MET: variants seen among roughly 807,000 people sequenced by gnomAD.
MET encodes the protein hepatocyte growth factor receptor.
Under a neutral mutation model 133.1 loss-of-function variants are expected in MET, and 48 were observed. The ratio of observed to expected loss-of-function variants is 0.36; its 90% CI spans 0.29 to 0.46. MET has a LOEUF of 0.46. Ranked by LOEUF, MET falls within the 20% of genes least tolerant of loss-of-function variation. The pLI is 1.00. For synonymous variants in MET, 628 were observed against 616.5 expected (o/e 1.02, Z -0.28); for missense variants, 1,442 against 1,695.9 (o/e 0.85, Z 2.63).
intron 15 of MET, among the ~76,000 whole-genome samples, chr7:116,776,466 T>C (rs762101350): frequency 3.3e-5 from 5 of 152,240 alleles, no homozygotes; most frequent in Admixed American, 1.3e-4. Context: ...TTTTTTATCA[T>C]GAAAGGTACT....
rs2116781001 is a variant in MET, at chr7:116,731,735, C to T, written c.1268C>T (p.Ala423Val). Residue 423 changes from alanine to valine, a missense_variant, in exon 3 of 21, where the codon GCT becomes GTT. Coordinates refer to ENST00000397752, the MANE Select transcript of MET (RefSeq NM_000245.4). ...RDEYRTEFTT[A>V]LQRVDLFMGQ... ...GAATATCGAACAGAGTTTACCACAG[C>T]TTTGCAGCGCGTTGACTTATTCATG... The T allele has an allele frequency of 6.2e-7, 1 of 1,614,134 alleles. No individual in the cohort carries two copies. Among genetic ancestry groups the T allele is most frequent in the Non-Finnish European group, 8.5e-7 (1 of 1,179,996 alleles).
At chr7:116,734,900 G>T (rs575049652) in intron 3 of MET, among the ~76,000 whole-genome samples, 3 of 152,150 alleles carry the variant, frequency 2.0e-5, no homozygotes, top group Non-Finnish European at 4.4e-5. Flanking sequence ...CCTTCTGAGC[G>T]CCTCGTCTAA....
intron 5 of MET, 81 bp from the exon 6 acceptor site, chr7:116,755,274 C>T (rs1360092682): frequency 2.7e-6 from 4 of 1,458,930 alleles, no homozygotes; most frequent in Non-Finnish European, 2.9e-6. Flanking sequence ...TAAGGATATA[C>T]ATTTTGTTTG....
intron 10 of MET, among the ~76,000 whole-genome samples, chr7:116,762,674 GAGCCA>G (rs1307465012): frequency 1.3e-5 from 2 of 152,134 alleles, no homozygotes; most frequent in African/African-American, 4.8e-5. Context: ...GCTAGGAGAT[GAGCCA>G]AGGCCTTCTA....
chr7:116,721,885 G>A, intron 2 of MET, among the ~76,000 whole-genome samples: 1 of 152,126 alleles, frequency 6.6e-6, no homozygotes, highest in Non-Finnish European at 1.5e-5. Flanking sequence ...TACATTTGCT[G>A]AGGAGAGCTT....
intron 11 of MET, among the ~76,000 whole-genome samples, chr7:116,769,164 C>T (rs1315373642): frequency 6.6e-6 from 1 of 152,174 alleles, no homozygotes; most frequent in African/African-American, 2.4e-5. Context: ...AACTATTTAA[C>T]ATCAGATCTC....
intron 5 of MET, among the ~76,000 whole-genome samples, chr7:116,753,225 T>G (rs561529682): frequency 2.6e-5 from 4 of 152,208 alleles, no homozygotes; most frequent in Non-Finnish European, 5.9e-5. Flanking sequence ...CCTTCTTAAT[T>G]GTAAAAGAAT....
chr7:116,724,913 T>C, intron 2 of MET: 1 of 1,220,414 alleles, frequency 8.2e-7, no homozygotes, highest in South Asian at 1.3e-5. Flanking sequence ...CATGAATTAA[T>C]ATTTGTAAAA....
chr7:116,674,839 G>T (rs1489704560), intron 1 of MET, among the ~76,000 whole-genome samples: 2 of 152,208 alleles, frequency 1.3e-5, no homozygotes, highest in Non-Finnish European at 2.9e-5. Flanking sequence ...ATTAGGCTTA[G>T]TGATTCTCGC....
intron 1 of MET, among the ~76,000 whole-genome samples, chr7:116,688,560 A>T (rs1358786712): frequency 2.0e-5 from 3 of 152,318 alleles, no homozygotes; most frequent in Non-Finnish European, 4.4e-5. Context: ...GTATTTTCTG[A>T]ACAATATTTT....
chr7:116,721,943 G>GA (rs1249480381), intron 2 of MET, among the ~76,000 whole-genome samples: 1 of 151,624 alleles, frequency 6.6e-6, no homozygotes, highest in East Asian at 1.9e-4. Flanking sequence ...GTGTGGTGCT[G>GA]AAAAAAATGT....
At chr7:116,782,429 A>G (rs1795184970) in intron 18 of MET, among the ~76,000 whole-genome samples, 1 of 152,236 alleles carries the variant, frequency 6.6e-6, no homozygotes, top group South Asian at 2.1e-4. Flanking sequence ...AGCATTTGAC[A>G]GTGAAAAGGA....
chr7:116,757,258 T>C (rs1334637956), intron 6 of MET, among the ~76,000 whole-genome samples, 179 bp from the exon 7 acceptor site: 1 of 152,038 alleles, frequency 6.6e-6, no homozygotes, highest in Non-Finnish European at 1.5e-5. Context: ...AAAAGTTAAG[T>C]TTATCATAGT....
intron 5 of MET, among the ~76,000 whole-genome samples, chr7:116,744,371 G>A (rs771266283): frequency 1.3e-5 from 2 of 151,956 alleles, no homozygotes; most frequent in African/African-American, 4.8e-5. Flanking sequence ...GAAAAACACA[G>A]CATGAGAACT....
chr7:116,781,886 G>C, intron 17 of MET, 102 bp from the exon 18 acceptor site: 1 of 831,308 alleles, frequency 1.2e-6, no homozygotes, highest in Non-Finnish European at 2.0e-6. Context: ...ACTAATTTTT[G>C]AGACAAGATA....
intron 1 of MET, among the ~76,000 whole-genome samples, chr7:116,681,932 T>G (rs1404770724): frequency 6.8e-6 from 1 of 146,448 alleles, no homozygotes; most frequent in Non-Finnish European, 1.5e-5. Flanking sequence ...AAGCAGAGAT[T>G]GTTGACAAAA....
chr7:116,748,687 A>G (rs1793793044), intron 5 of MET, among the ~76,000 whole-genome samples: 1 of 152,230 alleles, frequency 6.6e-6, no homozygotes, highest in African/African-American at 2.4e-5. Context: ...TGAAAAGATC[A>G]ACAAAATTGA....
At chr7:116,673,926 T>C (rs1272782141) in intron 1 of MET, among the ~76,000 whole-genome samples, 2 of 152,186 alleles carry the variant, frequency 1.3e-5, no homozygotes. Flanking sequence ...TTCATTCTTT[T>C]TGAACTGCTG....
At chr7:116,773,864 T>C (rs923035312) in intron 14 of MET, among the ~76,000 whole-genome samples, 2 of 152,226 alleles carry the variant, frequency 1.3e-5, no homozygotes, top group African/African-American at 4.8e-5. Context: ...GTCAAGGTAC[T>C]AACAGCATTC....
Sources: allele counts gnomAD v4.1 joint callset (sites outside exome capture counted in the v4.1 genomes callset), GRCh38; gene constraint gnomAD v4.1.1; transcripts MANE v1.5; gene names NCBI Gene and HGNC (gene_info 2026-07-23, HGNC 2026-07-21).